Variants in COL21A1 observed in about 807,000 individuals in gnomAD.
COL21A1 encodes collagen type XXI alpha 1 chain.
COL21A1 carries 149 observed loss-of-function variants against 137.9 expected under a neutral mutation model. The ratio of observed to expected loss-of-function variants is 1.08; its 90% CI spans 0.95 to 1.24. COL21A1 has a LOEUF of 1.24. COL21A1 is among the 50% of genes most tolerant of loss of function. The pLI is 0.00. For synonymous variants in COL21A1, 456 were observed against 391.5 expected, an observed-to-expected ratio of 1.16 and a Z score of -1.95; for missense variants, 1,167 against 1,158.4, an observed-to-expected ratio of 1.01 and a Z score of -0.11.
chr6:56,223,444 G>A (rs1780981198), intron 1 of COL21A1, among the ~76,000 whole-genome samples: 1 of 151,992 alleles, frequency 6.6e-6, no homozygotes, highest in African/African-American at 2.4e-5. Context: ...CCAAGTAACT[G>A]AATCATTAAA....
intron 16 of COL21A1, among the ~76,000 whole-genome samples, chr6:56,105,500 A>G (rs1770810719): frequency 6.6e-6 from 1 of 152,182 alleles, no homozygotes; most frequent in Non-Finnish European, 1.5e-5. Context: ...TTTAAACATA[A>G]AGCCAATCCT....
intron 1 of COL21A1, among the ~76,000 whole-genome samples, chr6:56,313,632 C>T (rs1764662591): frequency 6.6e-6 from 1 of 152,122 alleles, no homozygotes; most frequent in Non-Finnish European, 1.5e-5. Flanking sequence ...ATCTTATTAA[C>T]TTTTTATAGG....
Position 56,064,603 on chromosome 6 carries a change from C to G in COL21A1, c.2147G>C (p.Gly716Ala), listed in dbSNP as rs1394241464. The G allele has an allele frequency of 6.3e-7, 1 of 1,594,228 alleles. No homozygotes were observed. Among genetic ancestry groups the G allele is most frequent in the Non-Finnish European group, 8.6e-7 (1 of 1,169,154 alleles). ...KGIQGQKGEN[G>A]RQGIPGQQGI... is the part of the protein sequence containing the mutation. ...CTGTTGCCCTGGAATTCCCTGTCTTCCATTTTCTCCCTTTTGACCCTTTAA... is the reference window on the plus strand; with the variant it reads ...CTGTTGCCCTGGAATTCCCTGTCTTGCATTTTCTCCCTTTTGACCCTTTAA... The change falls in exon 24 of 30, where the codon GGA becomes GCA. Residue 716 changes from glycine to alanine, a missense_variant. Gly to Ala is a moderately conservative substitution (Grantham distance 60). Transcript: ENST00000244728.
At position 56,192,412 on chromosome 6, in the gene COL21A1, A is replaced by G. The variant is rs536078572; in HGVS notation, c.-38-9756T>C. On this transcript the variant is annotated intron_variant, in intron 1 of 29. Transcript: ENST00000244728. ...AGAAACTACCATCAGAATGGGAGAT[A>G]ATTTTTGAAATCTATCCATCTATCC... is the stretch of plus-strand genomic sequence containing the variant. Among the ~76,000 whole-genome samples the G allele has an allele frequency of 1.7e-4, 25 of 151,428 alleles. No homozygotes were observed. The East Asian group carries it at 4.7e-3, about 28-fold the overall frequency.
chr6:56,308,050 G>T (rs1168694594), intron 1 of COL21A1, among the ~76,000 whole-genome samples: 1 of 152,190 alleles, frequency 6.6e-6, no homozygotes, highest in East Asian at 1.9e-4. Flanking sequence ...GCATGCTATG[G>T]TGTGAATGAC....
intron 1 of COL21A1, among the ~76,000 whole-genome samples, chr6:56,204,003 C>A (rs961024407): frequency 1.3e-5 from 2 of 152,174 alleles, no homozygotes; most frequent in Admixed American, 6.5e-5. Flanking sequence ...GGTGCCTACA[C>A]CACCAGGGCC....
At chr6:56,202,845 A>G (rs1779504622) in intron 1 of COL21A1, among the ~76,000 whole-genome samples, 1 of 152,176 alleles carries the variant, frequency 6.6e-6, no homozygotes, top group African/African-American at 2.4e-5. Context: ...CAAGCAACAA[A>G]AGAATATACA....
intron 1 of COL21A1, among the ~76,000 whole-genome samples, chr6:56,324,252 A>C (rs1764945083): frequency 6.6e-6 from 1 of 152,080 alleles, no homozygotes; most frequent in Non-Finnish European, 1.5e-5. Context: ...TTGAGTTCTA[A>C]GCATAACATG....
In COL21A1 at chr6:56,199,951, T is replaced by C. The variant is rs377364415; in HGVS notation, c.-38-17295A>G. ...ATTTCAGATACTGGTAAGTGTATAATGAAAACAGTAATGTATCACTTGAGG... is the reference window on the plus strand; with the variant it reads ...ATTTCAGATACTGGTAAGTGTATAACGAAAACAGTAATGTATCACTTGAGG... On this transcript the variant is annotated intron_variant, in intron 1 of 29. Coordinates refer to ENST00000244728, the MANE Select transcript of COL21A1 (RefSeq NM_030820.4). Among the ~76,000 whole-genome samples the C allele has an allele frequency of 1.5e-4, 23 of 152,258 alleles. 2 individuals are homozygous for C. Among genetic ancestry groups the C allele is most frequent in the African/African-American group, 5.5e-4 (23 of 41,564 alleles).
intron 1 of COL21A1, among the ~76,000 whole-genome samples, chr6:56,242,467 A>C (rs1925156): frequency 2.0e-5 from 3 of 151,904 alleles, no homozygotes; most frequent in African/African-American, 4.8e-5. Flanking sequence ...TACATAAACA[A>C]ACAGTTAAGG....
At chr6:56,062,933 G>A (rs1279536752) in intron 24 of COL21A1, among the ~76,000 whole-genome samples, 1 of 152,132 alleles carries the variant, frequency 6.6e-6, no homozygotes, top group Middle Eastern at 3.2e-3. Context: ...TTCTCTGAGA[G>A]AAATATTCAC....
chr6:56,384,163 C>A (rs1306437161), intron 1 of COL21A1, among the ~76,000 whole-genome samples: 1 of 152,122 alleles, frequency 6.6e-6, no homozygotes, highest in Non-Finnish European at 1.5e-5. Context: ...CTCCCTAGTG[C>A]CCTGTCATCC....
Position 56,369,480 on chromosome 6 carries a change from C to T in COL21A1, c.-39+24491G>A, listed in dbSNP as rs141762133. 8.7e-3 allele frequency among the ~76,000 whole-genome samples: 1,317 copies of T among 151,900 alleles called. 5 individuals carry two copies. Among genetic ancestry groups the T allele is most frequent in the South Asian group, 0.017 (80 of 4,794 alleles). On this transcript the variant is annotated intron_variant, in intron 1 of 28. Coordinates refer to the COL21A1 transcript ENST00000370819. ...AGTGTCTGATGTTGAGACCCAGAGG[C>T]TTTTCTGGACATAAAGGTAGAAAAA...
chr6:56,242,212 T>A (rs538132756), intron 1 of COL21A1, among the ~76,000 whole-genome samples: 1 of 152,288 alleles, frequency 6.6e-6, no homozygotes, highest in South Asian at 2.1e-4. Context: ...AGTATATTAA[T>A]TTAATATTTT....
At chr6:56,382,667 A>C (rs1012120239) in intron 1 of COL21A1, among the ~76,000 whole-genome samples, 2 of 152,196 alleles carry the variant, frequency 1.3e-5, no homozygotes, top group African/African-American at 4.8e-5. Context: ...CTCTAGGCTC[A>C]GGAACCAAGA....
intron 1 of COL21A1, among the ~76,000 whole-genome samples, chr6:56,193,063 A>C (rs1778798253): frequency 6.6e-6 from 1 of 152,182 alleles, no homozygotes; most frequent in Non-Finnish European, 1.5e-5. Context: ...AACTATTCCA[A>C]GAACAGAAAA....
intron 1 of COL21A1, among the ~76,000 whole-genome samples, chr6:56,227,120 A>T (rs1582687241): frequency 1.3e-5 from 2 of 152,020 alleles, no homozygotes. Flanking sequence ...ACCTTGACTC[A>T]GCGTCACTGG....
At chr6:56,064,514 C>T in intron 24 of COL21A1, 64 bp downstream of exon 24, 1 of 1,111,336 alleles carries the variant, frequency 9.0e-7, no homozygotes, top group Non-Finnish European at 1.3e-6. Flanking sequence ...GTAATCCTCT[C>T]TCAGCATTGT....
intron 1 of COL21A1, among the ~76,000 whole-genome samples, chr6:56,197,893 A>G (rs902379499): frequency 3.3e-5 from 5 of 152,142 alleles, no homozygotes; most frequent in Non-Finnish European, 7.4e-5. Flanking sequence ...TCAAAGAGGT[A>G]TCTATAGTCC....
Sources: allele counts gnomAD v4.1 joint callset (sites outside exome capture counted in the v4.1 genomes callset), GRCh38; gene constraint gnomAD v4.1.1; transcripts MANE v1.5; gene names NCBI Gene and HGNC (gene_info 2026-07-23, HGNC 2026-07-21).